LOXL2: variants seen among roughly 807,000 people sequenced by gnomAD.
The protein encoded by LOXL2 is lysyl oxidase homolog 2.
In LOXL2, 70 loss-of-function variants were observed where a neutral mutation model predicts 93.0. The observed-to-expected ratio is 0.75, with a 90% confidence interval of 0.62 to 0.92. The LOEUF is 0.92. LOXL2 is among the 40% of genes least tolerant of loss of function. The pLI is 0.00. For missense variants in LOXL2, 973 were observed against 1,054.9 expected, an observed-to-expected ratio of 0.92 and a Z score of 1.08; for synonymous variants, 438 against 413.2, an observed-to-expected ratio of 1.06 and a Z score of -0.73.
intron 13 of LOXL2, among the ~76,000 whole-genome samples, chr8:23,298,504 C>G (rs1035153910): frequency 8.5e-5 from 13 of 152,148 alleles, no homozygotes; most frequent in Admixed American, 8.5e-4. Flanking sequence ...ACAGAAAAAC[C>G]TGATAGGCAG....
chr8:23,391,053 A>G (rs767082270), intron 1 of LOXL2, among the ~76,000 whole-genome samples: 5 of 152,158 alleles, frequency 3.3e-5, no homozygotes, highest in Non-Finnish European at 7.3e-5. Flanking sequence ...CTCTTGTGAG[A>G]CTTATTCACT....
chr8:23,313,971 A>C, intron 9 of LOXL2, among the ~76,000 whole-genome samples: 1 of 101,864 alleles, frequency 9.8e-6, no homozygotes, highest in African/African-American at 3.2e-5. Flanking sequence ...CCCCATCAAA[A>C]AGTGGGCGAA....
intron 1 of LOXL2, among the ~76,000 whole-genome samples, chr8:23,381,803 C>A (rs1216069663): frequency 1.3e-5 from 2 of 152,242 alleles, no homozygotes; most frequent in Admixed American, 6.5e-5. Context: ...ATGCCAGGCT[C>A]CATGGGCACC....
In LOXL2 at chr8:23,298,926, C is replaced by T. The variant is rs757627089; in HGVS notation, c.2155G>A (p.Glu719Lys). The stretch of plus-strand genomic sequence containing the variant: ...TTGGAGTAATCGGATTCTGCAACCT[C>T]GAAGTTGGGGTTAATAACAACCTAG... ...LFQVVINPNFEVAESDYSNNI... is the reference protein window; with the variant it reads ...LFQVVINPNFKVAESDYSNNI... The change falls in exon 13 of 14, where the codon GAG becomes AAG. Residue 719 changes from glutamate to lysine, a missense_variant. Physicochemically the swap from Glu to Lys is moderately conservative, Grantham distance 56 (BLOSUM62 1). Coordinates refer to ENST00000389131, the MANE Select transcript of LOXL2 (RefSeq NM_002318.3). The T allele has an allele frequency of 6.2e-6, 10 of 1,612,798 alleles. No homozygotes were observed. The highest frequency in any genetic ancestry group is 4.4e-5 in the South Asian group (4 of 91,060).
intron 1 of LOXL2, among the ~76,000 whole-genome samples, chr8:23,395,058 A>T (rs1477987605): frequency 6.6e-6 from 1 of 152,202 alleles, no homozygotes; most frequent in East Asian, 1.9e-4. Context: ...GATCGAGACC[A>T]TCCTGGCCAA....
intron 5 of LOXL2, among the ~76,000 whole-genome samples, chr8:23,330,960 G>T (rs1437355432): frequency 6.6e-6 from 1 of 152,154 alleles, no homozygotes; most frequent in Non-Finnish European, 1.5e-5. Context: ...AAATTGCCAG[G>T]AAGTCACTCC....
At chr8:23,364,019 C>A (rs746230481) in intron 2 of LOXL2, 1 of 152,270 alleles carries the variant, frequency 6.6e-6, no homozygotes, top group African/African-American at 2.4e-5. Context: ...GGACCAAAGG[C>A]GCATGCCACC....
intron 10 of LOXL2, among the ~76,000 whole-genome samples, chr8:23,305,580 T>C (rs3779892): frequency 0.071 from 10,241 of 143,520 alleles, 710 homozygotes; most frequent in African/African-American, 0.18. Flanking sequence ...GAAGATGGGA[T>C]GGTGAGTCCT....
At chr8:23,303,844 AG>A (rs1318743253) in intron 10 of LOXL2, among the ~76,000 whole-genome samples, 1 of 152,222 alleles carries the variant, frequency 6.6e-6, no homozygotes, top group Non-Finnish European at 1.5e-5. Context: ...GGAATATGGT[AG>A]GGAGAAAAAC....
chr8:23,375,911 CT>C (rs1437386522), intron 1 of LOXL2, among the ~76,000 whole-genome samples: 1 of 152,078 alleles, frequency 6.6e-6, no homozygotes, highest in Non-Finnish European at 1.5e-5. Context: ...TCCTTTTTTC[CT>C]AATTGAATAC....
At chr8:23,371,110 T>C (rs558724671) in intron 1 of LOXL2, 2 of 151,716 alleles carry the variant, frequency 1.3e-5, no homozygotes, top group African/African-American at 4.8e-5. Flanking sequence ...TAACAGCTGG[T>C]CCCCTCAACA....
intron 3 of LOXL2, among the ~76,000 whole-genome samples, chr8:23,349,350 C>T (rs1010309733): frequency 6.6e-6 from 1 of 152,180 alleles, no homozygotes; most frequent in Non-Finnish European, 1.5e-5. Context: ...CCCTGCCATT[C>T]TCTGTCCCTT....
chr8:23,355,984 G>A (rs538660086), intron 3 of LOXL2, among the ~76,000 whole-genome samples: 1 of 151,976 alleles, frequency 6.6e-6, no homozygotes. Flanking sequence ...TTTTCCCCAT[G>A]AACTTTGATA....
rs1183553906 is a variant in LOXL2, at chr8:23,309,665, T to C, written c.1880+3A>G. 3.5e-6 allele frequency: 5 copies of C among 1,445,260 alleles called. No individual in the cohort carries two copies. The South Asian group carries it at 4.4e-5, about 13-fold the overall frequency. The allele number at this position is 1,445,260 out of a possible 1,614,324, so 89.5% of individuals were successfully genotyped here. A position where few individuals can be genotyped will look rare whatever the true frequency, so the allele number is the denominator to read the frequency against. On this transcript the variant is annotated splice_donor_region_variant and intron_variant, in intron 10 of 13. Coordinates refer to ENST00000389131, the MANE Select transcript of LOXL2 (RefSeq NM_002318.3). ...AGTGGGGAGGGTGGCCAGCCAGGCCTACCTGTGACAGTCGTGCCAGATCCA... is the reference window on the plus strand; with the variant it reads ...AGTGGGGAGGGTGGCCAGCCAGGCCCACCTGTGACAGTCGTGCCAGATCCA...
chr8:23,358,647 A>C (rs1167805771), intron 3 of LOXL2, among the ~76,000 whole-genome samples: 1 of 152,214 alleles, frequency 6.6e-6, no homozygotes, highest in African/African-American at 2.4e-5. Context: ...TAATGTAATA[A>C]GTGTGTGTTA....
At chr8:23,400,014 A>C (rs984862599) in intron 1 of LOXL2, among the ~76,000 whole-genome samples, 31 of 152,268 alleles carry the variant, frequency 2.0e-4, no homozygotes, top group Non-Finnish European at 5.9e-5. Flanking sequence ...CAAAGCAACA[A>C]GCGTAACAGC....
chr8:23,337,091 C>T (rs181911749), intron 4 of LOXL2: 5 of 152,272 alleles, frequency 3.3e-5, no homozygotes, highest in East Asian at 3.9e-4. Context: ...AGATTAAGTA[C>T]GAACTTAGTA....
intron 9 of LOXL2, 136 bp from the exon 10 acceptor site, chr8:23,310,047 T>C (rs12548642): frequency 0.7 from 597,551 of 850,640 alleles, 212,580 homozygotes; most frequent in South Asian, 0.83. Context: ...TCCTCAAGGT[T>C]ACCTTCTTGT....
intron 10 of LOXL2, among the ~76,000 whole-genome samples, chr8:23,305,670 TAG>T (rs1803218792): frequency 6.6e-6 from 1 of 151,142 alleles, no homozygotes; most frequent in African/African-American, 2.4e-5. Flanking sequence ...ATCCCTGGGG[TAG>T]AGTTAGGGAA....
Sources: gnomAD v4.1 joint callset for allele counts (sites outside exome capture counted in the v4.1 genomes callset) on GRCh38, gnomAD v4.1.1 for gene constraint, MANE v1.5 for transcripts, NCBI Gene and HGNC (gene_info 2026-07-23, HGNC 2026-07-21) for gene names.